Variants in PUDP observed in about 807,000 individuals in gnomAD.
PUDP encodes the protein pseudouridine-5'-phosphatase.
PUDP carries 8 observed loss-of-function variants against 9.4 expected under a neutral mutation model. That is an observed-to-expected ratio of 0.85 (90% CI 0.50 to 1.53). The LOEUF is 1.53. Among genes scored for constraint, PUDP ranks in the 40% most tolerant of loss-of-function variants. PUDP has a pLI of 0.00. For synonymous variants in PUDP, 99 were observed against 80.7 expected, an observed-to-expected ratio of 1.23 and a Z score of -1.22; for missense variants, 188 against 189.7, an observed-to-expected ratio of 0.99 and a Z score of 0.05.
At chrX:6,839,700 G>A (rs908311107) in intron 3 of PUDP, among the ~76,000 whole-genome samples, 2 of 111,505 alleles carry the variant, frequency 1.8e-5, no homozygotes, top group East Asian at 2.8e-4. Context: ...GCCAAAATCC[G>A]AAAACTGACA....
At chrX:6,933,775 A>T (rs943234250) in intron 3 of PUDP, among the ~76,000 whole-genome samples, 7 of 111,514 alleles carry the variant, frequency 6.3e-5, no homozygotes, top group Non-Finnish European at 1.3e-4. Flanking sequence ...ACCAATACAG[A>T]GAAGTGCTTA....
intron 3 of PUDP, among the ~76,000 whole-genome samples, chrX:6,887,172 T>C (rs1927440651): frequency 9.5e-6 from 1 of 105,692 alleles, no homozygotes; most frequent in African/African-American, 3.4e-5. Context: ...TATTTATAAT[T>C]AAATATATTT....
intron 1 of PUDP, among the ~76,000 whole-genome samples, chrX:7,043,534 T>A (rs756972722): frequency 3.0e-4 from 34 of 111,983 alleles, no homozygotes; most frequent in South Asian, 2.3e-3. Context: ...CCTCTTTTTT[T>A]AATAAATTAT....
At chrX:6,712,891 C>T (rs1924550143) in intron 1 of PUDP, among the ~76,000 whole-genome samples, 1 of 111,111 alleles carries the variant, frequency 9.0e-6, no homozygotes, top group Non-Finnish European at 1.9e-5. Context: ...CTACTAAATA[C>T]ACAAAAATTA....
At chrX:6,958,122 C>T (rs1192743509) in intron 3 of PUDP, among the ~76,000 whole-genome samples, 1 of 112,281 alleles carries the variant, frequency 8.9e-6, no homozygotes, top group Non-Finnish European at 1.9e-5. Flanking sequence ...TATAACCTTA[C>T]GCGTCCACCC....
intron 1 of PUDP, among the ~76,000 whole-genome samples, chrX:6,719,218 T>C (rs954005119): frequency 5.4e-5 from 6 of 111,994 alleles, no homozygotes; most frequent in Non-Finnish European, 1.1e-4. Flanking sequence ...TCTTCTCTCC[T>C]TGGCTTGTAG....
intron 1 of PUDP, among the ~76,000 whole-genome samples, chrX:6,714,526 T>A (rs961620526): frequency 1.8e-5 from 2 of 109,617 alleles, no homozygotes; most frequent in East Asian, 5.7e-4. Context: ...GATAGATAAA[T>A]GGAGATGATA....
intron 3 of PUDP, among the ~76,000 whole-genome samples, chrX:6,855,320 T>C (rs1926888798): frequency 8.9e-6 from 1 of 112,438 alleles, no homozygotes; most frequent in Non-Finnish European, 1.9e-5. Flanking sequence ...ATTGACCATT[T>C]ATCTTATCAG....
intron 1 of PUDP, among the ~76,000 whole-genome samples, chrX:7,115,875 A>G (rs1763960530): frequency 9.0e-6 from 1 of 111,717 alleles, no homozygotes; most frequent in African/African-American, 3.3e-5. Flanking sequence ...AAACCACACC[A>G]CCTCTTTGCA....
intron 3 of PUDP, among the ~76,000 whole-genome samples, chrX:6,885,971 AT>A (rs1927415827): frequency 1.8e-5 from 2 of 111,800 alleles, no homozygotes; most frequent in African/African-American, 3.3e-5. Flanking sequence ...TAAAATTCCA[AT>A]TGTTTTTCTG....
chrX:7,118,041 G>C (rs1932244411), intron 1 of PUDP, among the ~76,000 whole-genome samples: 1 of 113,070 alleles, frequency 8.8e-6, no homozygotes, highest in African/African-American at 3.2e-5. Flanking sequence ...CGTGGACTCA[G>C]GCATTTCTTT....
chrX:6,874,604 G>A (rs889997930), intron 3 of PUDP, among the ~76,000 whole-genome samples: 1 of 112,092 alleles, frequency 8.9e-6, no homozygotes, highest in African/African-American at 3.2e-5. Context: ...GCCAAATGAA[G>A]TGTGAAGTTG....
intron 3 of PUDP, among the ~76,000 whole-genome samples, chrX:6,963,898 C>A (rs1928743386): frequency 8.9e-6 from 1 of 112,408 alleles, no homozygotes; most frequent in Non-Finnish European, 1.9e-5. Context: ...CTATAAAAAA[C>A]TGACTCTATA....
intron 3 of PUDP, among the ~76,000 whole-genome samples, chrX:6,771,832 GA>G: frequency 8.9e-6 from 1 of 112,388 alleles, no homozygotes; most frequent in Non-Finnish European, 1.9e-5. Flanking sequence ...AGCATTAAGG[GA>G]GCCACAGACA....
chrX:6,917,114 T>C (rs1321656619), intron 3 of PUDP, among the ~76,000 whole-genome samples: 4 of 111,941 alleles, frequency 3.6e-5, no homozygotes, highest in African/African-American at 1.3e-4. Context: ...CTTATAATCC[T>C]AGCACTTTGG....
At chrX:7,088,718 C>T (rs1931337214) in intron 2 of PUDP, among the ~76,000 whole-genome samples, 1 of 112,140 alleles carries the variant, frequency 8.9e-6, no homozygotes, top group South Asian at 3.7e-4. Context: ...ATACAAATTG[C>T]CCTCTGACTC....
intron 3 of PUDP, among the ~76,000 whole-genome samples, chrX:6,736,457 A>G (rs1409790851): frequency 1.8e-5 from 2 of 112,164 alleles, no homozygotes; most frequent in African/African-American, 6.5e-5. Flanking sequence ...GTGGGCCCTA[A>G]TATAATCATG....
intron 3 of PUDP, among the ~76,000 whole-genome samples, chrX:6,829,467 T>C (rs1348377008): frequency 1.8e-5 from 2 of 111,879 alleles, no homozygotes. Flanking sequence ...TATTCCAAAG[T>C]GGCTGTTCCA....
chrX:6,795,507 A>G (rs1925829797), intron 3 of PUDP, among the ~76,000 whole-genome samples: 1 of 111,673 alleles, frequency 9.0e-6, no homozygotes, highest in Admixed American at 9.5e-5. Context: ...GCCTGCCTAC[A>G]GTGGATTGCA....
Sources: gnomAD v4.1 joint callset for allele counts (sites outside exome capture counted in the v4.1 genomes callset) on GRCh38, gnomAD v4.1.1 for gene constraint, MANE v1.5 for transcripts, NCBI Gene and HGNC (gene_info 2026-07-23, HGNC 2026-07-21) for gene names.